OPCML: variants seen among roughly 807,000 people sequenced by gnomAD.
The protein encoded by OPCML is opioid binding protein/cell adhesion molecule like.
In OPCML, 13 loss-of-function variants were observed where a neutral mutation model predicts 37.8. That is an observed-to-expected ratio of 0.34 (90% CI 0.22 to 0.55). The LOEUF (loss-of-function observed/expected upper bound fraction) is 0.55. OPCML is among the 20% of genes least tolerant of loss of function. The pLI, the probability that OPCML is intolerant of heterozygous loss-of-function variation, is 0.91. For missense variants in OPCML, 341 were observed against 435.6 expected (o/e 0.78, Z 1.93); for synonymous variants, 176 against 168.8 (o/e 1.04, Z -0.33).
In OPCML at chr11:132,481,992, A is replaced by T. The variant is rs200500713; in HGVS notation, c.506-44633T>A. 1.0e-3 allele frequency among the ~76,000 whole-genome samples: 149 copies of T among 148,874 alleles called. 2 individuals are homozygous for T. In the East Asian group the frequency reaches 0.022, roughly 22 times the overall value. Reference sequence around the variant, plus strand: ...GGAAAGATCCAAAATTGACACCCTAACATCACAATTAAAAGAACTAGAAAA... The same window carrying T: ...GGAAAGATCCAAAATTGACACCCTATCATCACAATTAAAAGAACTAGAAAA... On this transcript the variant is annotated intron_variant, in intron 4 of 7. Coordinates refer to ENST00000524381, the MANE Select transcript of OPCML (RefSeq NM_001012393.5).
intron 2 of OPCML, among the ~76,000 whole-genome samples, chr11:132,720,790 T>C (rs1368865610): frequency 1.3e-5 from 2 of 152,194 alleles, no homozygotes; most frequent in African/African-American, 4.8e-5. Flanking sequence ...GTGACCTATT[T>C]ATAAAATTCT....
At chr11:132,827,021 G>A (rs7124889) in intron 2 of OPCML, among the ~76,000 whole-genome samples, 45,223 of 152,018 alleles carry the variant, frequency 0.3, 7,923 homozygotes, top group Non-Finnish European at 0.41. Context: ...TTAGCACTTT[G>A]TAACTTAATT....
intron 3 of OPCML, among the ~76,000 whole-genome samples, chr11:132,545,248 C>T (rs918299097): frequency 1.3e-5 from 2 of 151,876 alleles, no homozygotes; most frequent in African/African-American, 2.4e-5. Flanking sequence ...TGTGAAGTGG[C>T]GAGATTTGGA....
chr11:133,385,914 C>CT (rs1565606763), intron 1 of OPCML, among the ~76,000 whole-genome samples: 2 of 151,680 alleles, frequency 1.3e-5, no homozygotes. Flanking sequence ...GATGTTTTCT[C>CT]TTTTTTTCTC....
At chr11:132,796,565 C>CTTTTTTTTTTTTT (rs71067396) in intron 2 of OPCML, among the ~76,000 whole-genome samples, 2 of 88,558 alleles carry the variant, frequency 2.3e-5, no homozygotes, top group Non-Finnish European at 4.2e-5. Context: ...TTTCTTCTTT[C>CTTTTTTTTTTTTT]TTTTTTTTTT....
chr11:133,263,474 G>A (rs1454189917), intron 1 of OPCML, among the ~76,000 whole-genome samples: 1 of 152,220 alleles, frequency 6.6e-6, no homozygotes, highest in Non-Finnish European at 1.5e-5. Context: ...AGCAGCAGTA[G>A]GCTCTGCCCT....
In OPCML at chr11:133,052,961, T is replaced by A. The variant is rs547682149; in HGVS notation, c.62-109951A>T. On this transcript the variant is annotated intron_variant, in intron 1 of 7. Coordinates refer to ENST00000524381, the MANE Select transcript of OPCML (RefSeq NM_001012393.5). ...ACTTTTGAGATATCTGAATTAAACC[T>A]CCCTCACTTTTTCACTCCCTTGAGT... Among the ~76,000 whole-genome samples, 7 of 152,310 alleles carry A rather than the reference T, an allele frequency of 4.6e-5. No homozygotes were observed. In the East Asian group the frequency reaches 7.7e-4, roughly 17 times the overall value.
At position 133,041,999 on chromosome 11, in the gene OPCML, T is replaced by TC. The variant is rs1315924807; in HGVS notation, c.62-98990dup. Among the ~76,000 whole-genome samples, 5 of 152,076 alleles carry TC rather than the reference T, an allele frequency of 3.3e-5. 1 individual carries two copies. Among genetic ancestry groups the TC allele is most frequent in the Middle Eastern group, 6.8e-3 (2 of 294 alleles). ...GTCCTGTTGGCAAACGACCTTTCCATCCCCCTCATCGAATGCATCACTCAG... is the reference window on the plus strand; with the variant it reads ...GTCCTGTTGGCAAACGACCTTTCCATCCCCCCTCATCGAATGCATCACTCAG... On this transcript the variant is annotated intron_variant, in intron 1 of 7. Coordinates refer to ENST00000524381, the MANE Select transcript of OPCML (RefSeq NM_001012393.5).
rs185353604 is a variant in OPCML, at chr11:133,367,048, G to T, written c.61+165216C>A. On this transcript the variant is annotated intron_variant, in intron 1 of 7. Transcript: ENST00000524381. The stretch of plus-strand genomic sequence containing the variant: ...CTGGAGTGCAGTGGTGCGGTGTCTC[G>T]GTTCAATGCAACCTCTGACTCCCTG... Among the ~76,000 whole-genome samples the T allele has an allele frequency of 1.8e-4, 28 of 152,158 alleles. No individual in the cohort carries two copies. The East Asian group carries it at 5.0e-3, about 27-fold the overall frequency.
intron 1 of OPCML, among the ~76,000 whole-genome samples, chr11:133,432,043 T>C (rs1035106425): frequency 5.3e-5 from 8 of 151,964 alleles, no homozygotes; most frequent in African/African-American, 1.7e-4. Flanking sequence ...GAGCTAAATA[T>C]TGAGTACATA....
intron 3 of OPCML, among the ~76,000 whole-genome samples, chr11:132,532,816 T>A (rs1275935420): frequency 6.6e-6 from 1 of 152,162 alleles, no homozygotes; most frequent in Non-Finnish European, 1.5e-5. Flanking sequence ...CCCAGGGCCA[T>A]GCATGCTGCT....
intron 2 of OPCML, among the ~76,000 whole-genome samples, chr11:132,684,462 T>C (rs937901132): frequency 1.3e-5 from 2 of 152,240 alleles, no homozygotes; most frequent in Non-Finnish European, 2.9e-5. Flanking sequence ...AATATATTAA[T>C]TGGCACATTA....
chr11:133,235,969 C>T (rs79175600), intron 1 of OPCML, among the ~76,000 whole-genome samples: 4 of 152,062 alleles, frequency 2.6e-5, no homozygotes, highest in Non-Finnish European at 4.4e-5. Flanking sequence ...AGACTCCCAG[C>T]GGATGCTTAA....
At chr11:133,075,683 G>A (rs1347390443) in intron 1 of OPCML, among the ~76,000 whole-genome samples, 1 of 152,174 alleles carries the variant, frequency 6.6e-6, no homozygotes, top group Non-Finnish European at 1.5e-5. Context: ...TCAGGAGGAA[G>A]AAATTCTTCC....
intron 2 of OPCML, among the ~76,000 whole-genome samples, chr11:132,743,858 T>A (rs1379550619): frequency 1.3e-5 from 2 of 152,222 alleles, no homozygotes; most frequent in African/African-American, 4.8e-5. Context: ...GCCAAAAATG[T>A]CTCTATTCAT....
At chr11:132,635,439 CA>C (rs1367419608) in intron 3 of OPCML, among the ~76,000 whole-genome samples, 2 of 151,060 alleles carry the variant, frequency 1.3e-5, no homozygotes, top group Non-Finnish European at 2.9e-5. Context: ...AGGTCCTCAT[CA>C]AAGCATATGA....
chr11:132,479,295 C>A (rs1489411661), intron 4 of OPCML, among the ~76,000 whole-genome samples: 1 of 152,162 alleles, frequency 6.6e-6, no homozygotes, highest in Non-Finnish European at 1.5e-5. Context: ...TCACTCCCAC[C>A]CAAATACTGC....
intron 1 of OPCML, among the ~76,000 whole-genome samples, chr11:133,265,288 G>T (rs1023905648): frequency 1.8e-4 from 28 of 152,296 alleles, no homozygotes; most frequent in African/African-American, 6.0e-4. Flanking sequence ...TCTGACTCAG[G>T]GTAACGGGTG....
intron 3 of OPCML, among the ~76,000 whole-genome samples, chr11:132,541,289 T>C (rs778839837): frequency 4.6e-5 from 7 of 152,146 alleles, no homozygotes; most frequent in Non-Finnish European, 8.8e-5. Flanking sequence ...TGGCAGTCTC[T>C]TGTTACAACA....
Sources: gnomAD v4.1 joint callset for allele counts (sites outside exome capture counted in the v4.1 genomes callset) on GRCh38, gnomAD v4.1.1 for gene constraint, MANE v1.5 for transcripts, NCBI Gene and HGNC (gene_info 2026-07-23, HGNC 2026-07-21) for gene names.